DSG4: variants seen among roughly 807,000 people sequenced by gnomAD.
The protein encoded by DSG4 is desmoglein-4.
In DSG4, 87 loss-of-function variants were observed where a neutral mutation model predicts 93.1. The observed-to-expected ratio is 0.93, with a 90% CI of 0.79 to 1.12. The LOEUF is 1.12. Ranked by LOEUF, DSG4 falls within the 50% of genes most tolerant of loss-of-function variation. The pLI is 0.00. For missense variants in DSG4, 1,373 were observed against 1,285.7 expected (o/e 1.07, Z -1.04); for synonymous variants, 432 against 452.9 (o/e 0.95, Z 0.59).
intron 1 of DSG4, among the ~76,000 whole-genome samples, chr18:31,383,268 T>C (rs2072154953): frequency 6.6e-6 from 1 of 152,238 alleles, no homozygotes; most frequent in African/African-American, 2.4e-5. Flanking sequence ...TGTGCCTGCC[T>C]GTCTCAAGAA....
rs142656757 is a variant in DSG4 at position 31,413,110 on chromosome 18, T to A, written c.2638T>A (p.Ser880Thr). The A allele has an allele frequency of 1.2e-4, 195 of 1,614,152 alleles. 1 individual carries two copies. In the African/African-American group the frequency reaches 2.3e-3, roughly 19 times the overall value. Reference sequence around the variant, plus strand: ...CGGACCTAATTACTTTGTTAATGAATCTTCAGGATTGACTCCCTCAGAAGT... The same window carrying A: ...CGGACCTAATTACTTTGTTAATGAAACTTCAGGATTGACTCCCTCAGAAGT... ...LLGPNYFVNESSGLTPSEVEF... is the reference protein window; with the variant it reads ...LLGPNYFVNETSGLTPSEVEF... The change falls in exon 16 of 16, where the codon TCT becomes ACT. Residue 880 changes from serine (S) to threonine (T), a missense_variant. Ser to Thr is a moderately conservative substitution (Grantham distance 58, BLOSUM62 1). Coordinates refer to ENST00000308128, the MANE Select transcript of DSG4 (RefSeq NM_177986.5).
At chr18:31,380,745 T>G (rs1452537461) in intron 1 of DSG4, among the ~76,000 whole-genome samples, 1 of 152,200 alleles carries the variant, frequency 6.6e-6, no homozygotes, top group African/African-American at 2.4e-5. Context: ...TGCGGATGAC[T>G]TCCAAACTGA....
rs2072517389 is a variant in DSG4, at chr18:31,413,256, G to C, written c.2784G>C (p.Gln928His). 6.2e-7 allele frequency: 1 copy of C among 1,614,108 alleles called. No homozygotes were observed. Among genetic ancestry groups the C allele is most frequent in the Non-Finnish European group, 8.5e-7 (1 of 1,180,024 alleles). Residue 928 changes from glutamine to histidine, a missense_variant, in exon 16 of 16, where the codon CAG (glutamine) becomes CAC (histidine). Physicochemically the swap from Gln to His is conservative, Grantham distance 24. Transcript: ENST00000308128. ...VQPTTIIFDP[Q>H]LAPNVVVTEA... ...CCACTACAATTATTTTTGATCCTCA[G>C]CTTGCACCCAATGTTGTAGTAACCG... is the stretch of plus-strand genomic sequence containing the variant.
intron 1 of DSG4, among the ~76,000 whole-genome samples, chr18:31,381,325 A>G (rs2072132160): frequency 6.6e-6 from 1 of 152,162 alleles, no homozygotes; most frequent in Non-Finnish European, 1.5e-5. Flanking sequence ...AACATTTCAC[A>G]GTTAACAAAA....
At chr18:31,387,259 C>A (rs1295317299) in intron 3 of DSG4, among the ~76,000 whole-genome samples, 3 of 152,078 alleles carry the variant, frequency 2.0e-5, no homozygotes, top group Non-Finnish European at 4.4e-5. Flanking sequence ...TCTTATAAGA[C>A]TTTCACAAAT....
In DSG4 at chr18:31,399,390, A is replaced by C; in HGVS notation, c.1124A>C (p.Gln375Pro). The C allele has an allele frequency of 6.2e-7, 1 of 1,614,106 alleles. No homozygotes were observed. Residue 375 changes from glutamine to proline, a missense_variant, in exon 9 of 16, where the codon CAA (glutamine) becomes CCA (proline). By Grantham distance (76) the Gln-to-Pro change is moderately conservative. Coordinates refer to ENST00000308128, the MANE Select transcript of DSG4 (RefSeq NM_177986.5). Reference sequence around the variant, plus strand: ...ATGCACCCAACCCCTGTGAGAATTCAAGTTGTTGATGTGAGAGAAGGACCT... The same window carrying C: ...ATGCACCCAACCCCTGTGAGAATTCCAGTTGTTGATGTGAGAGAAGGACCT... ...FQMHPTPVRI[Q>P]VVDVREGPAF...
intron 7 of DSG4, among the ~76,000 whole-genome samples, chr18:31,391,529 A>G (rs745846594): frequency 2.6e-4 from 40 of 152,136 alleles, no homozygotes; most frequent in Non-Finnish European, 5.1e-4. Context: ...ATGTTTTTGT[A>G]TATGCCTCAT....
rs573081151 is a variant in DSG4, at chr18:31,408,368, C to T, written c.1934-1084C>T. ...TAAATTCACAGAAATATAGAATAGG[C>T]AGAACCATGGCCTAGGGGCTACCAA... On this transcript the variant is annotated intron_variant, in intron 12 of 15. Coordinates refer to ENST00000308128, the MANE Select transcript of DSG4 (RefSeq NM_177986.5). 1.2e-4 allele frequency among the ~76,000 whole-genome samples: 18 copies of T among 152,330 alleles called. 1 individual carries two copies. In the East Asian group the frequency reaches 3.1e-3, roughly 26 times the overall value.
At chr18:31,409,943 C>T in intron 14 of DSG4, 135 bp downstream of exon 14, 3 of 1,057,326 alleles carry the variant, frequency 2.8e-6, no homozygotes, top group Non-Finnish European at 4.2e-6. Flanking sequence ...GGGAATGTGA[C>T]CTGTTTGAAG....
intron 1 of DSG4, among the ~76,000 whole-genome samples, chr18:31,384,328 G>GA (rs71175776): frequency 0.81 from 122,967 of 152,026 alleles, 50,095 homozygotes; most frequent in East Asian, 0.95. Context: ...CTAATTCAGA[G>GA]AAAAATGTTT....
At chr18:31,382,135 C>A (rs1481353897) in intron 1 of DSG4, among the ~76,000 whole-genome samples, 1 of 152,164 alleles carries the variant, frequency 6.6e-6, no homozygotes, top group Non-Finnish European at 1.5e-5. Flanking sequence ...ACACATCTCT[C>A]CAGGTTATGT....
At chr18:31,394,219 C>T (rs945767884) in intron 8 of DSG4, among the ~76,000 whole-genome samples, 3 of 152,138 alleles carry the variant, frequency 2.0e-5, no homozygotes, top group African/African-American at 7.2e-5. Flanking sequence ...CTATCTGGCC[C>T]TTAACCAAAA....
chr18:31,387,148 A>C (rs1332061704), intron 3 of DSG4, among the ~76,000 whole-genome samples: 1 of 152,194 alleles, frequency 6.6e-6, no homozygotes, highest in East Asian at 1.9e-4. Flanking sequence ...GGCCCTCCAG[A>C]AAGTCAAGCC....
Position 31,400,940 on chromosome 18 carries a change from T to C in DSG4, c.1337T>C (p.Ile446Thr). 6.2e-7 allele frequency: 1 copy of C among 1,612,454 alleles called. No individual in the cohort carries two copies. The highest frequency in any genetic ancestry group is 1.1e-5 in the South Asian group (1 of 90,948). ...AAAATTGATTCAAGAACTGGTGAGA[T>C]ACAATTTTCTAGAGAATTTGATAAG... Reference protein sequence around the residue: ...WLKIDSRTGEIQFSREFDKKS... With the variant: ...WLKIDSRTGETQFSREFDKKS... Residue 446 changes from isoleucine to threonine, a missense_variant, in exon 10 of 16, where the codon ATA (isoleucine) becomes ACA (threonine). Physicochemically the swap from Ile to Thr is moderately conservative, Grantham distance 89. Transcript: ENST00000308128.
At chr18:31,377,041 T>C (rs2072084943) in intron 1 of DSG4, 82 bp downstream of exon 1, 1 of 1,426,360 alleles carries the variant, frequency 7.0e-7, no homozygotes, top group Non-Finnish European at 9.8e-7. Flanking sequence ...CTACATGGGA[T>C]TTATTCCATT....
At chr18:31,401,660 T>G (rs1251522949) in intron 10 of DSG4, 1 of 152,130 alleles carries the variant, frequency 6.6e-6, no homozygotes, top group African/African-American at 2.4e-5. Context: ...ATTTGTTTAT[T>G]TATCAATAGT....
rs2072411543 is a variant in DSG4 at position 31,405,227 on chromosome 18, C to T, written c.1637-850C>T. Among the ~76,000 whole-genome samples, 3 of 152,022 alleles carry T rather than the reference C, an allele frequency of 2.0e-5. 1 individual carries two copies. The highest frequency in any genetic ancestry group is 4.1e-4 in the South Asian group (2 of 4,822). On this transcript the variant is annotated intron_variant, in intron 11 of 15. Transcript: ENST00000308128. ...ACTCCTTGTATTAATAAATAAATTC[C>T]AATGAATATTTTAGACAATATGTTT... is the stretch of plus-strand genomic sequence containing the variant.
At chr18:31,409,705 A>C (rs2072465647) in intron 13 of DSG4, 40 bp from the exon 14 acceptor site, 4 of 1,613,990 alleles carry the variant, frequency 2.5e-6, no homozygotes, top group Admixed American at 1.7e-5. Flanking sequence ...AATGTTTAAC[A>C]TAAAGCGTTT....
Position 31,412,809 on chromosome 18 carries a change from T to C in DSG4, c.2356-19T>C, listed in dbSNP as rs1276583994. 1.2e-6 allele frequency: 2 copies of C among 1,613,624 alleles called. No homozygotes were observed. Among genetic ancestry groups the C allele is most frequent in the African/African-American group, 2.7e-5 (2 of 74,914 alleles). On this transcript the variant is annotated intron_variant, in intron 15 of 15. Coordinates refer to ENST00000308128, the MANE Select transcript of DSG4 (RefSeq NM_177986.5). ...AGGGAAAAAGAAATTTCTAATTCTG[T>C]ATTTCCTTTTAATTTTAGAAAGCGT...
Sources: allele counts gnomAD v4.1 joint callset (sites outside exome capture counted in the v4.1 genomes callset), GRCh38; gene constraint gnomAD v4.1.1; transcripts MANE v1.5; gene names NCBI Gene and HGNC (gene_info 2026-07-23, HGNC 2026-07-21).